CD96: variants seen among roughly 807,000 people sequenced by gnomAD.
CD96 encodes the protein CD96 molecule.
A neutral mutation model predicts 71.3 loss-of-function variants in CD96; 70 were observed. That is an observed-to-expected ratio of 0.98 (90% CI 0.81 to 1.20). CD96 has a LOEUF of 1.20. Ranked by LOEUF, CD96 falls within the 50% of genes most tolerant of loss-of-function variation. The pLI is 0.00. For synonymous variants in CD96, 248 were observed against 233.0 expected (o/e 1.06, Z -0.59); for missense variants, 742 against 677.5 (o/e 1.10, Z -1.06).
chr3:111,543,032 C>T (rs1934187784), intron 1 of CD96, among the ~76,000 whole-genome samples: 1 of 152,096 alleles, frequency 6.6e-6, no homozygotes. Flanking sequence ...GAATATAATG[C>T]TGTAGATAGG....
rs1243027115 is a variant in CD96, at chr3:111,593,661, G to A, written c.808-4459G>A. On this transcript the variant is annotated intron_variant, in intron 5 of 13. Coordinates refer to ENST00000352690, the MANE Select transcript of CD96 (RefSeq NM_005816.5). The stretch of plus-strand genomic sequence containing the variant: ...AGGATGGCCCTTTCCACCTCCTCCA[G>A]GGCTCGCTCCCTTTTTTCCACAGCC... 4 of 1,609,816 alleles carry A rather than the reference G, an allele frequency of 2.5e-6. No homozygotes were observed. In the African/African-American group the frequency reaches 4.0e-5, roughly 16 times the overall value.
At chr3:111,567,164 A>G (rs1453920975) in intron 2 of CD96, among the ~76,000 whole-genome samples, 1 of 152,218 alleles carries the variant, frequency 6.6e-6, no homozygotes, top group East Asian at 1.9e-4. Flanking sequence ...CCAACAAAAT[A>G]AAAAGACAGT....
At chr3:111,655,761 T>C (rs529752061), downstream of CD96, among the ~76,000 whole-genome samples, 1 of 152,210 alleles carries the variant, frequency 6.6e-6, no homozygotes, top group African/African-American at 2.4e-5. Context: ...CACCCATTCC[T>C]ACTAAAAACT....
At chr3:111,562,221 C>A (rs1486023630) in intron 2 of CD96, among the ~76,000 whole-genome samples, 1 of 152,204 alleles carries the variant, frequency 6.6e-6, no homozygotes, top group African/African-American at 2.4e-5. Flanking sequence ...ATTCGGCCAT[C>A]TTGGCTCCTC....
chr3:111,595,644 CA>C (rs1293318295), intron 5 of CD96, among the ~76,000 whole-genome samples: 1 of 151,804 alleles, frequency 6.6e-6, no homozygotes. Flanking sequence ...TCAAGTAAAG[CA>C]AGCGATTTGA....
At chr3:111,589,647 C>T (rs1288655742) in intron 5 of CD96, among the ~76,000 whole-genome samples, 2 of 152,180 alleles carry the variant, frequency 1.3e-5, no homozygotes, top group Non-Finnish European at 2.9e-5. Flanking sequence ...TCTTGTGCTG[C>T]TCCCAGTGAG....
At chr3:111,622,323 C>A (rs1938554097) in intron 8 of CD96, among the ~76,000 whole-genome samples, 1 of 152,178 alleles carries the variant, frequency 6.6e-6, no homozygotes, top group Non-Finnish European at 1.5e-5. Context: ...TTATCAACAT[C>A]TGCTAAACTG....
At chr3:111,614,670 C>T (rs1187389101) in intron 8 of CD96, among the ~76,000 whole-genome samples, 2 of 152,102 alleles carry the variant, frequency 1.3e-5, no homozygotes, top group African/African-American at 4.8e-5. Context: ...GCACCTTTGC[C>T]TACTCTATGG....
downstream of CD96, among the ~76,000 whole-genome samples, chr3:111,654,517 A>G (rs773565740): frequency 1.3e-5 from 2 of 152,220 alleles, no homozygotes; most frequent in Admixed American, 6.5e-5. Context: ...TTTTCTCCTC[A>G]GACAGCATCT....
At chr3:111,615,451 T>C (rs1447987557) in intron 8 of CD96, among the ~76,000 whole-genome samples, 1 of 152,224 alleles carries the variant, frequency 6.6e-6, no homozygotes, top group African/African-American at 2.4e-5. Flanking sequence ...ATACCTTCTA[T>C]AGCACTTGGT....
At chr3:111,613,879 A>G (rs1355542969) in intron 8 of CD96, among the ~76,000 whole-genome samples, 2 of 152,246 alleles carry the variant, frequency 1.3e-5, no homozygotes, top group African/African-American at 4.8e-5. Context: ...AAACTTACAA[A>G]TAACTTTTAC....
chr3:111,569,261 A>AAATAATATTATTTATTATTT (rs1559726159), intron 3 of CD96, among the ~76,000 whole-genome samples: 55 of 152,334 alleles, frequency 3.6e-4, no homozygotes, highest in Admixed American at 1.0e-3. Flanking sequence ...TATTTTTCAG[A>AAATAATATTATTTATTATTT]TAGTAAATAA....
intron 5 of CD96, chr3:111,593,925 C>T (rs759352888): frequency 1.4e-5 from 22 of 1,613,688 alleles, no homozygotes; most frequent in South Asian, 7.7e-5. Flanking sequence ...GTGGTGCCCA[C>T]GTTGACCCCA....
intron 4 of CD96, among the ~76,000 whole-genome samples, chr3:111,583,835 G>A (rs1343119714): frequency 2.0e-5 from 3 of 152,224 alleles, no homozygotes; most frequent in African/African-American, 7.2e-5. Context: ...CTGGGCCTCT[G>A]GACCTGTGAT....
intron 4 of CD96, among the ~76,000 whole-genome samples, chr3:111,582,705 A>G (rs1346698630): frequency 6.6e-6 from 1 of 152,222 alleles, no homozygotes; most frequent in Non-Finnish European, 1.5e-5. Context: ...CTTACATGGC[A>G]GCAGCAACAG....
At chr3:111,546,325 G>C (rs1458870109) in intron 2 of CD96, among the ~76,000 whole-genome samples, 1 of 152,192 alleles carries the variant, frequency 6.6e-6, no homozygotes, top group African/African-American at 2.4e-5. Context: ...ATTTATGAAA[G>C]TGATTCTGGG....
chr3:111,637,153 T>C (rs1252816631), intron 10 of CD96, 43 bp from the exon 11 acceptor site: 4 of 974,266 alleles, frequency 4.1e-6, no homozygotes, highest in Non-Finnish European at 6.7e-6. Context: ...AGTGGTAATA[T>C]AGTCTCATAT....
At chr3:111,644,867 G>T (rs949760666) in intron 12 of CD96, among the ~76,000 whole-genome samples, 2 of 151,960 alleles carry the variant, frequency 1.3e-5, no homozygotes, top group Non-Finnish European at 2.9e-5. Flanking sequence ...AATGGTAGAT[G>T]TTGGCATGGA....
chr3:111,555,479 A>G (rs1301029978), intron 2 of CD96, among the ~76,000 whole-genome samples: 1 of 152,302 alleles, frequency 6.6e-6, no homozygotes, highest in Non-Finnish European at 1.5e-5. Flanking sequence ...TGGATATAGA[A>G]TTCAGAGTGG....
Sources: allele counts gnomAD v4.1 joint callset (sites outside exome capture counted in the v4.1 genomes callset), GRCh38; gene constraint gnomAD v4.1.1; transcripts MANE v1.5; gene names NCBI Gene and HGNC (gene_info 2026-07-23, HGNC 2026-07-21).